The following LTBP4 variants were observed in gnomAD, a reference collection of about 807,000 sequenced individuals.
LTBP4 encodes the protein latent-transforming growth factor beta-binding protein 4.
A neutral mutation model predicts 180.2 loss-of-function variants in LTBP4; 93 were observed. The ratio of observed to expected loss-of-function variants is 0.52; its 90% CI spans 0.44 to 0.61. The LOEUF (loss-of-function observed/expected upper bound fraction) is 0.61. LTBP4 is among the 20% of genes least tolerant of loss of function. The pLI is 0.00. For synonymous variants in LTBP4, 947 were observed against 934.5 expected (o/e 1.01, Z -0.24); for missense variants, 2,116 against 2,256.5 (o/e 0.94, Z 1.26).
rs555558395 is a variant in LTBP4 at position 40,622,055 on chromosome 19, T to C, written c.3218-346T>C. On this transcript the variant is annotated intron_variant, in intron 22 of 29. Transcript: ENST00000396819. The surrounding 1 kb of genome is among the most constrained non-coding windows in gnomAD (Gnocchi z 5.1). Reference sequence around the variant, plus strand: ...GGAGCCACTGCACCTGGCGACAAATTGTAGGTTTTGAGATGAAGACTCAGC... The same window carrying C: ...GGAGCCACTGCACCTGGCGACAAATCGTAGGTTTTGAGATGAAGACTCAGC... Among the ~76,000 whole-genome samples, 1 of 152,008 alleles carries C rather than the reference T, an allele frequency of 6.6e-6. No individual in the cohort carries two copies. The highest frequency in any genetic ancestry group is 2.1e-4 in the South Asian group (1 of 4,806).
intron 1 of LTBP4, 34 bp downstream of exon 1, chr19:40,601,671 T>C: frequency 7.6e-7 from 1 of 1,317,590 alleles, no homozygotes; most frequent in Non-Finnish European, 9.7e-7. Flanking sequence ...AGAGAGCGGC[T>C]CCGGGGGGGA....
In LTBP4 at chr19:40,623,986, G is replaced by C; in HGVS notation, c.3736G>C (p.Val1246Leu). The C allele has an allele frequency of 1.2e-6, 2 of 1,613,722 alleles. No individual in the cohort carries two copies. The highest frequency in any genetic ancestry group is 1.7e-6 in the Non-Finnish European group (2 of 1,179,802). The change falls in exon 26 of 30, where the codon GTC (valine) becomes CTC (leucine). Residue 1246 changes from valine (V) to leucine (L), a missense_variant. Physicochemically the swap from Val to Leu is conservative, Grantham distance 32. Coordinates refer to ENST00000396819, the MANE Select transcript of LTBP4 (RefSeq NM_001042545.2). ...ACCGGCCTGTGAGGGCGGCCGCTGTGTCAACACTGTGGGCTCTTATCACTG... is the reference window on the plus strand; with the variant it reads ...ACCGGCCTGTGAGGGCGGCCGCTGTCTCAACACTGTGGGCTCTTATCACTG... ...EEPACEGGRCVNTVGSYHCTC... is the reference protein window; with the variant it reads ...EEPACEGGRCLNTVGSYHCTC...
rs1400888938 is a variant in LTBP4 at position 40,605,134 on chromosome 19, C to T, written c.350C>T (p.Ser117Phe). 2 of 1,613,546 alleles carry T rather than the reference C, an allele frequency of 1.2e-6. No homozygotes were observed. The highest frequency in any genetic ancestry group is 1.6e-4 in the Middle Eastern group (1 of 6,062). The change falls in exon 2 of 30, where the codon TCC (serine) becomes TTC (phenylalanine). Residue 117 changes from serine to phenylalanine, a missense_variant. Physicochemically the swap from Ser to Phe is radical, Grantham distance 155. Around this residue, in one of 5 missense-constraint regions of LTBP4, gnomAD observed 469 missense variants for 532.5 expected, o/e 0.88. Transcript: ENST00000396819. This position sits in a 1 kb window ranked among gnomAD's most constrained non-coding sequence, Gnocchi z 5.5. Reference sequence around the variant, plus strand: ...GCTGGCAAGTTCTGCCAGTTGCACTCCTCGGGCGCCCGGCCCCCGGCCCCG... The same window carrying T: ...GCTGGCAAGTTCTGCCAGTTGCACTTCTCGGGCGCCCGGCCCCCGGCCCCG... ...DFAGKFCQLH[S>F]SGARPPAPAV...
intron 12 of LTBP4, 75 bp downstream of exon 12, chr19:40,610,732 C>T: frequency 6.7e-7 from 1 of 1,502,130 alleles, no homozygotes; most frequent in Admixed American, 2.1e-5. Context: ...GCCAGAGAGA[C>T]TGAACAATAG....
upstream of LTBP4, among the ~76,000 whole-genome samples, chr19:40,600,902 C>T (rs2081418731): frequency 6.6e-6 from 1 of 152,164 alleles, no homozygotes; most frequent in South Asian, 2.1e-4. This position sits in a 1 kb window ranked among gnomAD's most constrained non-coding sequence, Gnocchi z 4.4. Context: ...AGCGACCCTT[C>T]TCCCATCCCT....
At chr19:40,597,106 C>A (rs1006384609), upstream of LTBP4, 2 of 899,462 alleles carry the variant, frequency 2.2e-6, no homozygotes, top group African/African-American at 1.8e-5. Flanking sequence ...GTTCGCAGCC[C>A]GTGGCTGGAC....
rs886193114 is a variant in LTBP4 at position 40,611,482 on chromosome 19, G to A, written c.2053+88G>A. ...TTGAGGGGCAGAGAGGCAGAGTGATGGGGCTCAGGGATGGAGAACAGGGGC... is the reference window on the plus strand; with the variant it reads ...TTGAGGGGCAGAGAGGCAGAGTGATAGGGCTCAGGGATGGAGAACAGGGGC... On this transcript the variant is annotated intron_variant, in intron 13 of 29. Transcript: ENST00000396819. This position sits in a 1 kb window ranked among gnomAD's most constrained non-coding sequence, Gnocchi z 4.4. 8 of 1,511,160 alleles carry A rather than the reference G, an allele frequency of 5.3e-6. No individual in the cohort carries two copies. In the African/African-American group the frequency reaches 5.5e-5, roughly 10 times the overall value. The allele number at this position is 1,511,160 out of a possible 1,614,324, so 93.6% of individuals were successfully genotyped here. A position where few individuals can be genotyped will look rare whatever the true frequency, so the allele number is the denominator to read the frequency against.
In LTBP4 at chr19:40,601,478, C is replaced by A. The variant is rs1177035814; in HGVS notation, c.91C>A (p.Arg31Ser). 5 of 1,493,356 alleles carry A rather than the reference C, an allele frequency of 3.3e-6. No homozygotes were observed. The highest frequency in any genetic ancestry group is 4.4e-6 in the Non-Finnish European group (5 of 1,128,030). 92.5% of individuals were successfully genotyped at this position (1,493,356 alleles called of 1,614,324 possible). ...GCCTGGACTGGGCCGGCTCGGAGAG[C>A]GTCTCCGCGTGCGCTTCACCCCGGT... ...PQPGLGRLGE[R>S]LRVRFTPVVC... The change falls in exon 1 of 30, where the codon CGT (arginine) becomes AGT (serine). Residue 31 changes from arginine to serine, a missense_variant. Around this residue, in one of 5 missense-constraint regions of LTBP4, gnomAD observed 469 missense variants for 532.5 expected, o/e 0.88. Transcript: ENST00000396819.
Position 40,622,903 on chromosome 19 carries a change from G to C in LTBP4, c.3485-47G>C. On this transcript the variant is annotated intron_variant, in intron 23 of 29. Transcript: ENST00000396819. This position sits in a 1 kb window ranked among gnomAD's most constrained non-coding sequence, Gnocchi z 5.1. ...AAGTGGGCACGAGCAGGTCAGGGCTGGGGCTGGGGCTCTGGTGTCCTGGCT... is the reference window on the plus strand; with the variant it reads ...AAGTGGGCACGAGCAGGTCAGGGCTCGGGCTGGGGCTCTGGTGTCCTGGCT... 6.3e-7 allele frequency: 1 copy of C among 1,584,468 alleles called. No individual in the cohort carries two copies. Among genetic ancestry groups the C allele is most frequent in the Non-Finnish European group, 8.6e-7 (1 of 1,157,854 alleles).
chr19:40,601,686 G>C, intron 1 of LTBP4, 49 bp downstream of exon 1: 1 of 1,258,810 alleles, frequency 7.9e-7, no homozygotes, highest in Middle Eastern at 2.7e-4. Context: ...GGGGGAGGAG[G>C]ATCCCTGGGG....
At chr19:40,597,076 C>T (rs901940531), upstream of LTBP4, among the ~76,000 whole-genome samples, 7 of 150,100 alleles carry the variant, frequency 4.7e-5, no homozygotes, top group Non-Finnish European at 7.4e-5. Context: ...CTGGCGGCGC[C>T]GGGCTGTGAT....
At chr19:40,610,885 A>T in intron 12 of LTBP4, 3 of 748,676 alleles carry the variant, frequency 4.0e-6, no homozygotes, top group Non-Finnish European at 6.3e-6. Context: ...AAGCAGAATG[A>T]GGAGGGATGG....
Position 40,623,689 on chromosome 19 carries a change from C to T in LTBP4, c.3642C>T (p.Cys1214=), listed in dbSNP as rs1355982807. 1.9e-6 allele frequency: 3 copies of T among 1,613,818 alleles called. No individual in the cohort carries two copies. Among genetic ancestry groups the T allele is most frequent in the Non-Finnish European group, 1.7e-6 (2 of 1,179,894 alleles). ...VNTAPGYSCY[C]SNGYYYHTQR... Reference sequence around the variant, plus strand: ...CGGCCCCGGGCTACTCATGCTATTGCAGCAACGGCTACTACTACCACACAC... The same window carrying T: ...CGGCCCCGGGCTACTCATGCTATTGTAGCAACGGCTACTACTACCACACAC... Residue 1214 remains cysteine, a synonymous_variant, in exon 25 of 30, where the codon TGC becomes TGT. Coordinates refer to ENST00000396819, the MANE Select transcript of LTBP4 (RefSeq NM_001042545.2).
chr19:40,606,614 G>A, intron 6 of LTBP4, 88 bp downstream of exon 6: 4 of 1,470,728 alleles, frequency 2.7e-6, no homozygotes, highest in Non-Finnish European at 3.7e-6. Flanking sequence ...AATTCCCTCG[G>A]ACCCCCCCAG....
intron 27 of LTBP4, among the ~76,000 whole-genome samples, chr19:40,626,226 G>C (rs901558394): frequency 8.5e-5 from 13 of 152,118 alleles, no homozygotes; most frequent in African/African-American, 3.1e-4. Flanking sequence ...TGACCCAGCA[G>C]ATCCCATAGT....
In LTBP4 at chr19:40,629,639, G is replaced by T; in HGVS notation, c.*89G>T. 1.6e-6 allele frequency: 2 copies of T among 1,254,860 alleles called. No individual in the cohort carries two copies. The highest frequency in any genetic ancestry group is 2.0e-6 in the Non-Finnish European group (2 of 988,120). The allele number at this position is 1,254,860 out of a possible 1,614,324, so 77.7% of individuals were successfully genotyped here. On this transcript the variant is annotated 3_prime_UTR_variant, in exon 30 of 30. Transcript: ENST00000396819. The surrounding 1 kb of genome is among the most constrained non-coding windows in gnomAD (Gnocchi z 4.5). ...AGCCCGCTTATGCGTATGTGCACGG[G>T]GCCGCCCGCCTGGACCTGGAGAAGG...
At chr19:40,623,842 G>C in intron 25 of LTBP4, 94 bp from the exon 26 acceptor site, 1 of 1,599,112 alleles carries the variant, frequency 6.3e-7, no homozygotes, top group Non-Finnish European at 8.6e-7. Flanking sequence ...CTGGAGTCTA[G>C]ACTCCATCCA....
Position 40,614,453 on chromosome 19 carries a change from C to A in LTBP4, c.2812+7C>A, listed in dbSNP as rs1269296711. 1.9e-6 allele frequency: 3 copies of A among 1,597,182 alleles called. No individual in the cohort carries two copies. The highest frequency in any genetic ancestry group is 2.5e-6 in the Non-Finnish European group (3 of 1,179,016). Reference sequence around the variant, plus strand: ...CCCGAGGGCACCTGTGACGGTGAGCCTGCCCCCACCCGCCTTCGCTAGCGC... The same window carrying A: ...CCCGAGGGCACCTGTGACGGTGAGCATGCCCCCACCCGCCTTCGCTAGCGC... On this transcript the variant is annotated splice_region_variant and intron_variant, in intron 19 of 29. Coordinates refer to ENST00000396819, the MANE Select transcript of LTBP4 (RefSeq NM_001042545.2).
intron 19 of LTBP4, 39 bp downstream of exon 19, chr19:40,614,485 C>G (rs2081532904): frequency 6.3e-7 from 1 of 1,584,362 alleles, no homozygotes; most frequent in Admixed American, 1.7e-5. Flanking sequence ...GCGCTTGCAA[C>G]GCGGTGCTGG....
Sources: allele counts gnomAD v4.1 joint callset (sites outside exome capture counted in the v4.1 genomes callset), GRCh38; gene constraint gnomAD v4.1.1; regional missense constraint gnomAD v4.1.1; non-coding constraint Gnocchi (gnomAD v3.1); transcripts MANE v1.5; gene names NCBI Gene and HGNC (gene_info 2026-07-23, HGNC 2026-07-21).